The following PPP2R5E variants were observed in gnomAD, a reference collection of about 807,000 sequenced individuals.
PPP2R5E encodes protein phosphatase 2 regulatory subunit B'epsilon.
A neutral mutation model predicts 65.3 loss-of-function variants in PPP2R5E; 4 were observed. The ratio of observed to expected loss-of-function variants is 0.06; its 90% CI spans 0.03 to 0.14. The LOEUF is 0.14. PPP2R5E is among the 10% of genes least tolerant of loss of function. The probability of loss-of-function intolerance (pLI) is 1.00; values close to 1 mark genes in which losing one functional copy is unlikely to be tolerated. For synonymous variants in PPP2R5E, 183 were observed against 187.4 expected, an observed-to-expected ratio of 0.98 and a Z score of 0.19; for missense variants, 274 against 556.1, an observed-to-expected ratio of 0.49 and a Z score of 5.10.
chr14:63,454,870 C>T (rs1889035233), intron 2 of PPP2R5E, among the ~76,000 whole-genome samples: 1 of 152,214 alleles, frequency 6.6e-6, no homozygotes, highest in Non-Finnish European at 1.5e-5. Flanking sequence ...ATCCTCAGAA[C>T]ATCCTTAGAA....
intron 2 of PPP2R5E, among the ~76,000 whole-genome samples, chr14:63,524,907 T>C (rs1212672843): frequency 6.6e-6 from 1 of 152,202 alleles, no homozygotes; most frequent in East Asian, 1.9e-4. Flanking sequence ...AAAAACGTCT[T>C]AGTAAATCAC....
chr14:63,499,518 A>G (rs1891749506), intron 2 of PPP2R5E, among the ~76,000 whole-genome samples: 1 of 152,180 alleles, frequency 6.6e-6, no homozygotes, highest in Non-Finnish European at 1.5e-5. Context: ...TGAAGTCAGG[A>G]GTTCGAGACC....
chr14:63,532,874 G>A (rs770211861), intron 2 of PPP2R5E, among the ~76,000 whole-genome samples: 2 of 152,116 alleles, frequency 1.3e-5, no homozygotes, highest in Non-Finnish European at 2.9e-5. Flanking sequence ...TCACTCTGTT[G>A]CCCAGGCTCA....
At chr14:63,437,911 T>A (rs1427354799) in intron 3 of PPP2R5E, among the ~76,000 whole-genome samples, 1 of 152,162 alleles carries the variant, frequency 6.6e-6, no homozygotes, top group Non-Finnish European at 1.5e-5. Context: ...CTCCTCACCA[T>A]GACCCCACCA....
chr14:63,398,732 G>A (rs2139809882), intron 5 of PPP2R5E, among the ~76,000 whole-genome samples: 1 of 152,314 alleles, frequency 6.6e-6, no homozygotes, highest in East Asian at 1.9e-4. Context: ...GGAGTTTGCA[G>A]TGAGCCGAGA....
intron 3 of PPP2R5E, among the ~76,000 whole-genome samples, chr14:63,424,515 G>T (rs2139895975): frequency 6.6e-6 from 1 of 152,292 alleles, no homozygotes; most frequent in Non-Finnish European, 1.5e-5. Context: ...ACTTTGAGAG[G>T]CCGAGGCGGG....
chr14:63,431,182 T>C (rs1887650617), intron 3 of PPP2R5E, among the ~76,000 whole-genome samples: 1 of 151,718 alleles, frequency 6.6e-6, no homozygotes, highest in Non-Finnish European at 1.5e-5. Flanking sequence ...GCAGGAGAAT[T>C]GCTTGAACCC....
chr14:63,460,150 A>G (rs1466285246), intron 2 of PPP2R5E, among the ~76,000 whole-genome samples: 3 of 152,208 alleles, frequency 2.0e-5, no homozygotes, highest in Non-Finnish European at 4.4e-5. Context: ...AATAACAATC[A>G]TGAACACTTA....
chr14:63,541,887 T>C (rs1271892061), intron 1 of PPP2R5E, among the ~76,000 whole-genome samples: 1 of 152,136 alleles, frequency 6.6e-6, no homozygotes, highest in Non-Finnish European at 1.5e-5. Context: ...GGATTCAAAA[T>C]AGAATCACAA....
chr14:63,536,723 CAG>C (rs1893679533), intron 2 of PPP2R5E, among the ~76,000 whole-genome samples: 1 of 152,186 alleles, frequency 6.6e-6, no homozygotes, highest in Non-Finnish European at 1.5e-5. Context: ...CCTGCTACAA[CAG>C]AGATGAACAC....
chr14:63,519,229 A>C (rs1000071638), intron 2 of PPP2R5E, among the ~76,000 whole-genome samples: 6 of 152,198 alleles, frequency 3.9e-5, no homozygotes, highest in Non-Finnish European at 7.3e-5. Flanking sequence ...AAAAAGAAAA[A>C]AATACGTAAA....
chr14:63,525,482 G>C (rs1014711323), intron 2 of PPP2R5E, among the ~76,000 whole-genome samples: 1 of 152,180 alleles, frequency 6.6e-6, no homozygotes, highest in East Asian at 1.9e-4. Context: ...CTAGTCATGA[G>C]AGCTCCCTTC....
intron 13 of PPP2R5E, among the ~76,000 whole-genome samples, chr14:63,378,570 TCACA>T (rs890446925): frequency 1.7e-4 from 26 of 152,342 alleles, no homozygotes; most frequent in African/African-American, 5.8e-4. Context: ...TGCTCAGTTA[TCACA>T]CGGCTTTCAT....
At chr14:63,526,598 A>C (rs2139744405) in intron 2 of PPP2R5E, among the ~76,000 whole-genome samples, 1 of 151,878 alleles carries the variant, frequency 6.6e-6, no homozygotes, top group South Asian at 2.1e-4. Context: ...CTGTCACCCA[A>C]GCTGGAGTGC....
At position 63,394,016 on chromosome 14, in the gene PPP2R5E, CAGTT is replaced by C. The variant is rs1288697782; in HGVS notation, c.741-92_741-89del. On this transcript the variant is annotated intron_variant, in intron 7 of 13. Coordinates refer to ENST00000337537, the MANE Select transcript of PPP2R5E (RefSeq NM_006246.5). ...TCTTGTGATATTAATTAAACTTAAT[CAGTT>C]TGTTTGTACAAAACAACATAATACC... The C allele has an allele frequency of 1.4e-5, 10 of 695,228 alleles. No individual in the cohort carries two copies. The South Asian group carries it at 1.7e-4, about 12-fold the overall frequency. 43.1% of individuals were successfully genotyped at this position (695,228 alleles called of 1,614,324 possible).
At chr14:63,497,177 A>G (rs1891612451) in intron 2 of PPP2R5E, among the ~76,000 whole-genome samples, 1 of 152,154 alleles carries the variant, frequency 6.6e-6, no homozygotes, top group Non-Finnish European at 1.5e-5. Context: ...TGCAATACCT[A>G]TATGATACCA....
At chr14:63,397,150 C>T (rs1408882856) in intron 5 of PPP2R5E, among the ~76,000 whole-genome samples, 1 of 152,132 alleles carries the variant, frequency 6.6e-6, no homozygotes, top group Non-Finnish European at 1.5e-5. Flanking sequence ...CAGTTGAGGC[C>T]AAAAGTCCGT....
chr14:63,487,419 C>CAACAGATGA (rs1450964483), intron 2 of PPP2R5E, among the ~76,000 whole-genome samples: 6 of 152,096 alleles, frequency 3.9e-5, no homozygotes, highest in African/African-American at 1.4e-4. Flanking sequence ...CTAGTAACAC[C>CAACAGATGA]AACAGATGTT....
At chr14:63,493,126 T>C (rs1362644419) in intron 2 of PPP2R5E, among the ~76,000 whole-genome samples, 1 of 152,090 alleles carries the variant, frequency 6.6e-6, no homozygotes, top group Non-Finnish European at 1.5e-5. Flanking sequence ...CATCAGATAG[T>C]TGTATGATAG....
Sources: allele counts gnomAD v4.1 joint callset (sites outside exome capture counted in the v4.1 genomes callset), GRCh38; gene constraint gnomAD v4.1.1; transcripts MANE v1.5; gene names NCBI Gene and HGNC (gene_info 2026-07-23, HGNC 2026-07-21).